Variants in MAML3 observed in about 807,000 individuals in gnomAD.
MAML3 encodes the protein mastermind-like protein 3.
A neutral mutation model predicts 101.9 loss-of-function variants in MAML3; 27 were observed. The ratio of observed to expected loss-of-function variants is 0.27; its 90% CI spans 0.20 to 0.37. MAML3 has a LOEUF of 0.37. Among genes scored for constraint, MAML3 ranks in the 10% least tolerant of loss-of-function variants. The pLI is 1.00. For missense variants in MAML3, 1,316 were observed against 1,444.9 expected, an observed-to-expected ratio of 0.91 and a Z score of 1.45; for synonymous variants, 501 against 555.9, an observed-to-expected ratio of 0.90 and a Z score of 1.39.
intron 1 of MAML3, among the ~76,000 whole-genome samples, chr4:140,020,845 T>G (rs1315454596): frequency 2.0e-5 from 3 of 152,180 alleles, no homozygotes; most frequent in African/African-American, 2.4e-5. Flanking sequence ...GAAAAATCTT[T>G]CACTAGAGTC....
rs1211508247 is a variant in MAML3 at position 139,941,542 on chromosome 4, T to TTGG, written c.469-50578_469-50576dup. On this transcript the variant is annotated intron_variant, in intron 1 of 4. Coordinates refer to ENST00000509479, the MANE Select transcript of MAML3 (RefSeq NM_018717.5). ...CCCTAATGTGTTGTTGTTGTTGTTG[T>TTGG]TGGTGGTGGTGGTGGTGGTGGTGGT... 7.8e-5 allele frequency among the ~76,000 whole-genome samples: 9 copies of TTGG among 115,348 alleles called. No individual in the cohort carries two copies. In the South Asian group the frequency reaches 7.9e-4, roughly 10 times the overall value. The allele number at this position is 115,348 out of a possible 152,430, so 75.7% of individuals were successfully genotyped here.
chr4:139,993,012 T>G (rs1734710416), intron 1 of MAML3, among the ~76,000 whole-genome samples: 1 of 152,244 alleles, frequency 6.6e-6, no homozygotes. Context: ...TCATTTCTAA[T>G]TGAATTGTTT....
intron 2 of MAML3, among the ~76,000 whole-genome samples, chr4:139,748,868 C>T (rs1199254410): frequency 5.9e-5 from 9 of 152,156 alleles, no homozygotes; most frequent in South Asian, 2.1e-4. Flanking sequence ...AAACTCAACC[C>T]GGCTTTGTTT....
intron 2 of MAML3, among the ~76,000 whole-genome samples, chr4:139,868,472 T>C (rs1578638881): frequency 6.6e-6 from 1 of 152,336 alleles, no homozygotes; most frequent in East Asian, 1.9e-4. Context: ...AAGTTTAATA[T>C]GTCACCTAAA....
chr4:140,153,130 G>A lies in MAML3; in HGVS notation c.198C>T (p.Ala66=). 2.6e-6 allele frequency: 4 copies of A among 1,550,370 alleles called. No homozygotes were observed. Among genetic ancestry groups the A allele is most frequent in the South Asian group, 1.2e-5 (1 of 84,106 alleles). ...GSGGPGGGSA[A]VPKHSTVVER... The stretch of plus-strand genomic sequence containing the variant: ...CCACCACGGTGCTGTGCTTGGGAAC[G>A]GCCGCCGAACCGCCGCCGGGGCCCC... The change falls in exon 1 of 5, where the codon GCC becomes GCT. Residue 66 remains alanine (A), a synonymous_variant. Transcript: ENST00000509479.
chr4:139,982,270 T>C (rs535282437), intron 1 of MAML3, among the ~76,000 whole-genome samples: 1 of 152,346 alleles, frequency 6.6e-6, no homozygotes, highest in African/African-American at 2.4e-5. Flanking sequence ...GCTTTGACCT[T>C]AGGCACTTGT....
intron 1 of MAML3, among the ~76,000 whole-genome samples, chr4:140,082,483 G>A (rs77109783): frequency 0.019 from 2,967 of 152,244 alleles, 60 homozygotes; most frequent in Non-Finnish European, 0.031. Flanking sequence ...GCTTCCCAGC[G>A]TCCTTCCTCC....
intron 1 of MAML3, among the ~76,000 whole-genome samples, chr4:140,072,552 C>A (rs980328641): frequency 1.3e-5 from 2 of 152,010 alleles, no homozygotes; most frequent in Non-Finnish European, 1.5e-5. Flanking sequence ...TGCCTGTAAT[C>A]CCAGCTACTT....
chr4:139,837,481 C>G (rs28530781), intron 2 of MAML3, among the ~76,000 whole-genome samples: 5,223 of 150,364 alleles, frequency 0.035, 96 homozygotes, highest in Middle Eastern at 0.066. Flanking sequence ...CTGGGTGACA[C>G]AGCAAGACTC....
Position 139,881,778 on chromosome 4 carries a change from T to G in MAML3, c.2079+7579A>C, listed in dbSNP as rs559003638. Among the ~76,000 whole-genome samples, 24 of 152,362 alleles carry G rather than the reference T, an allele frequency of 1.6e-4. No individual in the cohort carries two copies. The South Asian group carries it at 5.0e-3, about 32-fold the overall frequency. On this transcript the variant is annotated intron_variant, in intron 2 of 4. Transcript: ENST00000509479. ...GTGCAGTGGTGCGATCTCCGCTCACTGCAACCTCTGCCTCCTGGGTTCAAG... is the reference window on the plus strand; with the variant it reads ...GTGCAGTGGTGCGATCTCCGCTCACGGCAACCTCTGCCTCCTGGGTTCAAG...
rs562109888 is a variant in MAML3 at position 139,884,284 on chromosome 4, A to G, written c.2079+5073T>C. Among the ~76,000 whole-genome samples, 6 of 152,356 alleles carry G rather than the reference A, an allele frequency of 3.9e-5. No individual in the cohort carries two copies. In the East Asian group the frequency reaches 9.6e-4, roughly 24 times the overall value. On this transcript the variant is annotated intron_variant, in intron 2 of 4. Coordinates refer to ENST00000509479, the MANE Select transcript of MAML3 (RefSeq NM_018717.5). Reference sequence around the variant, plus strand: ...TGGAGATTTTATGACTAAAAAGCTTATAATAATATACCACACAGGGCATTC... The same window carrying G: ...TGGAGATTTTATGACTAAAAAGCTTGTAATAATATACCACACAGGGCATTC...
chr4:140,002,036 TCACA>T (rs1734933382), intron 1 of MAML3, among the ~76,000 whole-genome samples: 1 of 127,434 alleles, frequency 7.8e-6, no homozygotes, highest in Non-Finnish European at 1.7e-5. Context: ...ATGCATTACC[TCACA>T]CACTTATCAT....
intron 2 of MAML3, among the ~76,000 whole-genome samples, chr4:139,813,269 A>G (rs1268466791): frequency 6.6e-6 from 1 of 152,202 alleles, no homozygotes; most frequent in East Asian, 1.9e-4. Context: ...TCATAAAATT[A>G]TCAATGAAAT....
chr4:139,746,852 T>C (rs1398085029), intron 2 of MAML3, among the ~76,000 whole-genome samples: 1 of 152,202 alleles, frequency 6.6e-6, no homozygotes, highest in African/African-American at 2.4e-5. Flanking sequence ...TTCCTTCCTT[T>C]GATCAAGTAA....
At chr4:139,832,372 A>G (rs1033177011) in intron 2 of MAML3, among the ~76,000 whole-genome samples, 1 of 151,552 alleles carries the variant, frequency 6.6e-6, no homozygotes, top group African/African-American at 2.4e-5. Flanking sequence ...TCAGCCTCCC[A>G]AAGTGCTGGA....
intron 2 of MAML3, among the ~76,000 whole-genome samples, chr4:139,790,446 G>A (rs1233624072): frequency 6.6e-6 from 1 of 151,200 alleles, no homozygotes; most frequent in African/African-American, 2.4e-5. Context: ...CAATTCAGTG[G>A]CATTAGTATA....
intron 1 of MAML3, among the ~76,000 whole-genome samples, chr4:140,031,902 C>G (rs541588308): frequency 2.6e-5 from 4 of 152,188 alleles, no homozygotes; most frequent in Admixed American, 6.5e-5. Flanking sequence ...CTATTTCCAG[C>G]CTTGCCTTCT....
At chr4:140,001,408 A>G (rs756820742) in intron 1 of MAML3, among the ~76,000 whole-genome samples, 2 of 152,234 alleles carry the variant, frequency 1.3e-5, no homozygotes, top group Non-Finnish European at 2.9e-5. Flanking sequence ...AGAAGAGCCA[A>G]GTGCTTAAAA....
intron 2 of MAML3, among the ~76,000 whole-genome samples, chr4:139,815,770 G>T (rs1486436819): frequency 2.6e-5 from 4 of 152,290 alleles, no homozygotes; most frequent in East Asian, 1.9e-4. Context: ...GTTCAAAACT[G>T]AAGTTTCCTC....
Sources: allele counts gnomAD v4.1 joint callset (sites outside exome capture counted in the v4.1 genomes callset), GRCh38; gene constraint gnomAD v4.1.1; transcripts MANE v1.5; gene names NCBI Gene and HGNC (gene_info 2026-07-23, HGNC 2026-07-21).